ASIC4: variants seen among roughly 807,000 people sequenced by gnomAD.
ASIC4 encodes acid-sensing ion channel 4.
Under a neutral mutation model 53.4 loss-of-function variants are expected in ASIC4, and 28 were observed. The observed-to-expected ratio is 0.52, with a 90% confidence interval of 0.39 to 0.72. The LOEUF (loss-of-function observed/expected upper bound fraction) is 0.72, where lower values mean the gene tolerates loss of function less well. Among genes scored for constraint, ASIC4 ranks in the 30% least tolerant of loss-of-function variants. ASIC4 has a pLI of 0.00. For synonymous variants in ASIC4, 289 were observed against 301.4 expected (o/e 0.96, Z 0.43); for missense variants, 649 against 729.7 (o/e 0.89, Z 1.27).
At chr2:219,526,721 G>A (rs1694966763) in intron 1 of ASIC4, among the ~76,000 whole-genome samples, 1 of 152,164 alleles carries the variant, frequency 6.6e-6, no homozygotes. Flanking sequence ...AGGACAGGCA[G>A]GTGCTGGCCA....
upstream of ASIC4, among the ~76,000 whole-genome samples, chr2:219,511,132 T>C (rs12989326): frequency 0.65 from 98,662 of 151,994 alleles, 32,954 homozygotes; most frequent in East Asian, 0.84. The surrounding 1 kb of genome is among the most constrained non-coding windows in gnomAD (Gnocchi z 5.3). Flanking sequence ...AGGCTGGGCA[T>C]CTTTTGGAGA....
chr2:219,512,949 G>A (rs1022207043), upstream of ASIC4, among the ~76,000 whole-genome samples: 6 of 152,222 alleles, frequency 3.9e-5, no homozygotes, highest in South Asian at 2.1e-4. Context: ...CTTGCAGCCA[G>A]GGTGGGCAAA....
intron 1 of ASIC4, among the ~76,000 whole-genome samples, chr2:219,523,373 A>G (rs1406752569): frequency 2.0e-5 from 3 of 152,022 alleles, no homozygotes; most frequent in African/African-American, 7.3e-5. Flanking sequence ...GCCTTCTTCC[A>G]CGGCCCCCAG....
In ASIC4 at chr2:219,517,685, TG is replaced by T. The variant is rs1266427810; in HGVS notation, c.582+2383del. Reference sequence around the variant, plus strand: ...GAGAATGGGCATGGAGATGAAGATATGGGGTCTCCAAAAAGGACGTGAGGTC... The same window carrying T: ...GAGAATGGGCATGGAGATGAAGATATGGGTCTCCAAAAAGGACGTGAGGTC... On this transcript the variant is annotated intron_variant, in intron 1 of 9. Coordinates refer to ENST00000358078, the MANE Select transcript of ASIC4 (RefSeq NM_018674.6). The surrounding 1 kb of genome is among the most constrained non-coding windows in gnomAD (Gnocchi z 4.2). 6.6e-6 allele frequency among the ~76,000 whole-genome samples: 1 copy of T among 151,970 alleles called. No individual in the cohort carries two copies. Among genetic ancestry groups the T allele is most frequent in the African/African-American group, 2.4e-5 (1 of 41,366 alleles).
At chr2:219,520,517 G>A (rs1172150468) in intron 1 of ASIC4, among the ~76,000 whole-genome samples, 2 of 152,186 alleles carry the variant, frequency 1.3e-5, no homozygotes. Context: ...CTTGGCCCTG[G>A]GAGGAGCTAC....
upstream of ASIC4, among the ~76,000 whole-genome samples, chr2:219,509,220 C>T (rs1459413625): frequency 2.0e-5 from 3 of 152,150 alleles, no homozygotes; most frequent in Admixed American, 2.0e-4. This position sits in a 1 kb window ranked among gnomAD's most constrained non-coding sequence, Gnocchi z 5.2. Context: ...AGATTGCAGC[C>T]CCCTCCCCCT....
intron 1 of ASIC4, among the ~76,000 whole-genome samples, chr2:219,530,412 A>G (rs921022505): frequency 2.6e-5 from 4 of 152,262 alleles, no homozygotes; most frequent in African/African-American, 9.6e-5. Context: ...TGTGCGGCAG[A>G]GACTGCTCAT....
chr2:219,510,605 C>A (rs1291521878), upstream of ASIC4, among the ~76,000 whole-genome samples: 41 of 152,198 alleles, frequency 2.7e-4, no homozygotes. This position sits in a 1 kb window ranked among gnomAD's most constrained non-coding sequence, Gnocchi z 5.2. Context: ...TCCTGATGCC[C>A]CCATCCCATC....
At chr2:219,535,384 G>C (rs907805496) in intron 6 of ASIC4, 60 bp downstream of exon 6, 1 of 1,495,366 alleles carries the variant, frequency 6.7e-7, no homozygotes, top group Non-Finnish European at 9.0e-7. Flanking sequence ...GTGTGTGGGG[G>C]GTGGCTGTGT....
Position 219,538,141 on chromosome 2 carries a change from C to T in ASIC4, c.*95C>T, listed in dbSNP as rs972565854. 2.8e-6 allele frequency: 3 copies of T among 1,090,324 alleles called. No homozygotes were observed. The Admixed American group carries it at 6.0e-5, about 22-fold the overall frequency. The allele number at this position is 1,090,324 out of a possible 1,614,324, so 67.5% of individuals were successfully genotyped here. The stretch of plus-strand genomic sequence containing the variant: ...TCCTGGGAGAGGCCTGGGGGCGGTG[C>T]TCACTGGGAGGGCCAGGACTCAGTT... On this transcript the variant is annotated 3_prime_UTR_variant, in exon 10 of 10. Transcript: ENST00000358078.
Position 219,537,671 on chromosome 2 carries a change from A to C in ASIC4, c.1441A>C (p.Lys481Gln), listed in dbSNP as rs750593770. The part of the protein sequence containing the change: ...DRLKRVWRRP[K>Q]TPLRTSTGGI... ...ACTGAAGCGGGTATGGAGGCGTCCC[A>C]AGACCCCCCTGCGGACCTCCACTGG... Residue 481 changes from lysine (K) to glutamine (Q), a missense_variant, in exon 9 of 10, where the codon AAG (lysine) becomes CAG (glutamine). By Grantham distance (53) the Lys-to-Gln change is moderately conservative (BLOSUM62 1). Transcript: ENST00000358078. This position sits in a 1 kb window ranked among gnomAD's most constrained non-coding sequence, Gnocchi z 4.9. 3 of 1,614,052 alleles carry C rather than the reference A, an allele frequency of 1.9e-6. No homozygotes were observed. In the Admixed American group the frequency reaches 5.0e-5, roughly 27 times the overall value.
intron 1 of ASIC4, among the ~76,000 whole-genome samples, chr2:219,522,736 C>T (rs1282106949): frequency 1.3e-5 from 2 of 152,086 alleles, no homozygotes; most frequent in East Asian, 1.9e-4. Context: ...TCGCCCCCTC[C>T]CCGGCCGCCG....
chr2:219,528,643 G>A (rs1277818067), intron 1 of ASIC4, among the ~76,000 whole-genome samples: 7 of 152,078 alleles, frequency 4.6e-5, no homozygotes, highest in South Asian at 2.1e-4. Flanking sequence ...GAGTTGAAGC[G>A]ATTCTCCTAC....
rs1051960029 is a variant in ASIC4, at chr2:219,538,707, T to C, written c.*661T>C. The stretch of plus-strand genomic sequence containing the variant: ...GAGGGTGGGAAGGGAGCCTTCTCAG[T>C]CCTCTCTCCCTCCAGTCTGATTTTA... On this transcript the variant is annotated 3_prime_UTR_variant, in exon 10 of 10. Transcript: ENST00000358078. 1 of 155,304 alleles carries C rather than the reference T, an allele frequency of 6.4e-6. No homozygotes were observed. The highest frequency in any genetic ancestry group is 1.9e-4 in the East Asian group (1 of 5,190). 9.6% of individuals were successfully genotyped at this position (155,304 alleles called of 1,614,324 possible). A position where few individuals can be genotyped will look rare whatever the true frequency, so the allele number is the denominator to read the frequency against.
rs116503683 is a variant in ASIC4 at position 219,527,984 on chromosome 2, G to A, written c.583-3774G>A. Among the ~76,000 whole-genome samples, 281 of 152,368 alleles carry A rather than the reference G, an allele frequency of 1.8e-3. 4 individuals are homozygous for A. The highest frequency in any genetic ancestry group is 6.5e-3 in the African/African-American group (270 of 41,590). ...GGTGCCTGGCAGTCAGGGCTCCGCC[G>A]AGGTGGTGCTGAATGCTGAGGGACA... On this transcript the variant is annotated intron_variant, in intron 1 of 9. Transcript: ENST00000358078.
At chr2:219,533,421 G>C (rs1695076644) in intron 5 of ASIC4, 1 of 180,152 alleles carries the variant, frequency 5.6e-6, no homozygotes, top group African/African-American at 2.3e-5. Context: ...GAGAGTGGGG[G>C]CGACAGCCCT....
intron 6 of ASIC4, among the ~76,000 whole-genome samples, chr2:219,535,558 TGTG>T (rs1405107059): frequency 6.6e-6 from 1 of 151,336 alleles, no homozygotes; most frequent in East Asian, 1.9e-4. Flanking sequence ...GAGTGTGTGA[TGTG>T]TGTGTGCATG....
intron 1 of ASIC4, among the ~76,000 whole-genome samples, chr2:219,521,871 C>G (rs1251029881): frequency 6.6e-6 from 1 of 152,296 alleles, no homozygotes; most frequent in African/African-American, 2.4e-5. Flanking sequence ...AGATCTGCCA[C>G]GTTTGTTTGT....
At chr2:219,510,529 T>C (rs1694687412), upstream of ASIC4, among the ~76,000 whole-genome samples, 2 of 152,070 alleles carry the variant, frequency 1.3e-5, no homozygotes, top group Non-Finnish European at 2.9e-5. This position sits in a 1 kb window ranked among gnomAD's most constrained non-coding sequence, Gnocchi z 5.2. Context: ...CAGACTTTGT[T>C]AGTTTCTGGC....
Sources: gnomAD v4.1 joint callset for allele counts (sites outside exome capture counted in the v4.1 genomes callset) on GRCh38, gnomAD v4.1.1 for gene constraint, Gnocchi (gnomAD v3.1) non-coding constraint, MANE v1.5 for transcripts, NCBI Gene and HGNC (gene_info 2026-07-23, HGNC 2026-07-21) for gene names.